NLGN1: variants seen among roughly 807,000 people sequenced by gnomAD.
The protein encoded by NLGN1 is neuroligin-1.
In NLGN1, 12 loss-of-function variants were observed where a neutral mutation model predicts 65.5. That is an observed-to-expected ratio of 0.18 (90% confidence interval 0.12 to 0.30). The LOEUF is 0.30. Among genes scored for constraint, NLGN1 ranks in the 10% least tolerant of loss-of-function variants. The pLI, the probability that NLGN1 is intolerant of heterozygous loss-of-function variation, is 1.00. For missense variants in NLGN1, 750 were observed against 1,007.1 expected, an observed-to-expected ratio of 0.74 and a Z score of 3.46; for synonymous variants, 350 against 359.5, an observed-to-expected ratio of 0.97 and a Z score of 0.30.
At chr3:173,847,446 C>T (rs1413680275) in intron 4 of NLGN1, among the ~76,000 whole-genome samples, 1 of 152,064 alleles carries the variant, frequency 6.6e-6, no homozygotes, top group Non-Finnish European at 1.5e-5. Context: ...CTCAATTCTT[C>T]AGATAAATGT....
At chr3:173,474,011 A>G (rs55653605) in intron 2 of NLGN1, among the ~76,000 whole-genome samples, 1 of 152,184 alleles carries the variant, frequency 6.6e-6, no homozygotes, top group African/African-American at 2.4e-5. Flanking sequence ...CCTCAAACCC[A>G]GGGCTAGAAA....
chr3:173,450,297 T>G (rs1285460216), intron 2 of NLGN1, among the ~76,000 whole-genome samples: 1 of 152,096 alleles, frequency 6.6e-6, no homozygotes, highest in South Asian at 2.1e-4. Flanking sequence ...GTCTGTAAAG[T>G]ATTTTATTTC....
At chr3:173,952,128 A>T (rs944030652) in intron 4 of NLGN1, among the ~76,000 whole-genome samples, 1 of 152,180 alleles carries the variant, frequency 6.6e-6, no homozygotes, top group Admixed American at 6.5e-5. Context: ...TCATCAGTCT[A>T]TATACTTCCG....
chr3:173,565,840 T>C (rs183327241), intron 2 of NLGN1, among the ~76,000 whole-genome samples: 23 of 150,416 alleles, frequency 1.5e-4, no homozygotes, highest in Non-Finnish European at 3.0e-4. Context: ...ATGAAAATTT[T>C]ATTAAGGCCA....
chr3:173,755,946 C>A (rs1339457447), intron 3 of NLGN1, among the ~76,000 whole-genome samples: 1 of 152,020 alleles, frequency 6.6e-6, no homozygotes, highest in African/African-American at 2.4e-5. Flanking sequence ...ACTGGAAGAT[C>A]AATTGTATCA....
intron 3 of NLGN1, among the ~76,000 whole-genome samples, chr3:173,699,958 T>TA (rs1393948644): frequency 6.6e-6 from 1 of 152,210 alleles, no homozygotes; most frequent in Non-Finnish European, 1.5e-5. Flanking sequence ...CATAATTTAT[T>TA]AAGTGGAACT....
At chr3:173,605,182 A>G (rs780648539) in intron 3 of NLGN1, 91 bp downstream of exon 2, 5 of 1,067,604 alleles carry the variant, frequency 4.7e-6, no homozygotes, top group Non-Finnish European at 6.6e-6. Context: ...TACTGGTAGT[A>G]TGCATGGCTT....
intron 4 of NLGN1, among the ~76,000 whole-genome samples, chr3:174,218,405 A>G (rs778270161): frequency 1.4e-4 from 22 of 152,076 alleles, no homozygotes; most frequent in Non-Finnish European, 2.5e-4. Context: ...AAGTAAAATG[A>G]TACCTTACTT....
chr3:173,928,964 C>T (rs1306795369), intron 4 of NLGN1, among the ~76,000 whole-genome samples: 1 of 152,130 alleles, frequency 6.6e-6, no homozygotes. Context: ...GCCACCATGC[C>T]TGGCCTGACA....
intron 4 of NLGN1, among the ~76,000 whole-genome samples, chr3:173,834,619 C>T (rs1723227857): frequency 6.6e-6 from 1 of 152,070 alleles, no homozygotes; most frequent in Non-Finnish European, 1.5e-5. Context: ...TATATCTTTG[C>T]CAAACACTAT....
At chr3:174,130,198 C>A (rs1460625841) in intron 4 of NLGN1, among the ~76,000 whole-genome samples, 16 of 152,118 alleles carry the variant, frequency 1.1e-4, no homozygotes, top group Admixed American at 8.5e-4. Context: ...AACAAGGAAA[C>A]CCCGTCTCTA....
chr3:174,276,910 CA>C, intron 5 of NLGN1, among the ~76,000 whole-genome samples: 1 of 151,752 alleles, frequency 6.6e-6, no homozygotes, highest in East Asian at 1.9e-4. Context: ...AACACTAAGC[CA>C]CCTCTATAGG....
chr3:173,915,727 A>G (rs1740595419), intron 4 of NLGN1, among the ~76,000 whole-genome samples: 1 of 152,192 alleles, frequency 6.6e-6, no homozygotes, highest in Non-Finnish European at 1.5e-5. Flanking sequence ...CTCACATTCT[A>G]TAATCGTTCT....
chr3:173,602,677 T>G (rs1273263049), intron 2 of NLGN1, among the ~76,000 whole-genome samples: 1 of 152,036 alleles, frequency 6.6e-6, no homozygotes, highest in Non-Finnish European at 1.5e-5. Context: ...TTAGGTTGAA[T>G]AAAACATGAT....
intron 4 of NLGN1, among the ~76,000 whole-genome samples, chr3:174,026,940 A>G (rs957924754): frequency 6.6e-6 from 1 of 152,264 alleles, no homozygotes; most frequent in South Asian, 2.1e-4. Context: ...TTGTAATTCA[A>G]TTCAAATACA....
rs189104049 is a variant in NLGN1, at chr3:174,112,720, C to T, written c.647-162595C>T. Among the ~76,000 whole-genome samples, 896 of 151,808 alleles carry T rather than the reference C, an allele frequency of 5.9e-3. 3 individuals are homozygous for T. The highest frequency in any genetic ancestry group is 9.9e-3 in the Non-Finnish European group (668 of 67,762). On this transcript the variant is annotated intron_variant, in intron 4 of 6. Coordinates refer to ENST00000457714, the Ensembl canonical transcript of NLGN1. ...ACAAGATTAAATTGATTTAGAAGTC[C>T]TTATTTATAAGCTAATAACATCATG...
intron 4 of NLGN1, among the ~76,000 whole-genome samples, chr3:173,825,527 C>T (rs958259288): frequency 2.7e-4 from 41 of 152,044 alleles, no homozygotes; most frequent in African/African-American, 9.4e-4. Context: ...ATTTTTCCCA[C>T]AGTATATAAT....
chr3:173,678,196 A>C (rs1218553504), intron 3 of NLGN1, among the ~76,000 whole-genome samples: 1 of 152,090 alleles, frequency 6.6e-6, no homozygotes, highest in Non-Finnish European at 1.5e-5. Flanking sequence ...TCTCTAATAT[A>C]GTCATTTGAC....
intron 2 of NLGN1, among the ~76,000 whole-genome samples, chr3:173,539,640 A>ATACATCTATAACATATATGTATATATG (rs1738190013): frequency 8.9e-6 from 1 of 111,812 alleles, no homozygotes; most frequent in African/African-American, 4.7e-5. Flanking sequence ...ATACACATAT[A>ATACATCTATAACATATATGTATATATG]TACATATATA....
Sources: gnomAD v4.1 joint callset for allele counts (sites outside exome capture counted in the v4.1 genomes callset) on GRCh38, gnomAD v4.1.1 for gene constraint, MANE v1.5 for transcripts, NCBI Gene and HGNC (gene_info 2026-07-23, HGNC 2026-07-21) for gene names.